The following EIF4G3 variants were observed in gnomAD, a reference collection of about 807,000 sequenced individuals.
EIF4G3 encodes the protein eukaryotic translation initiation factor 4 gamma 3.
Under a neutral mutation model 186.4 loss-of-function variants are expected in EIF4G3, and 34 were observed. The observed-to-expected ratio is 0.18, with a 90% CI of 0.14 to 0.24. The LOEUF (loss-of-function observed/expected upper bound fraction) is 0.24, where lower values mean the gene tolerates loss of function less well. Among genes scored for constraint, EIF4G3 ranks in the 10% least tolerant of loss-of-function variants. The pLI, the probability that EIF4G3 is intolerant of heterozygous loss-of-function variation, is 1.00. For synonymous variants in EIF4G3, 673 were observed against 679.5 expected, an observed-to-expected ratio of 0.99 and a Z score of 0.15; for missense variants, 1,536 against 1,948.5, an observed-to-expected ratio of 0.79 and a Z score of 3.99.
At chr1:21,026,199 A>G (rs2092059486) in intron 4 of EIF4G3, among the ~76,000 whole-genome samples, 1 of 152,260 alleles carries the variant, frequency 6.6e-6, no homozygotes, top group Non-Finnish European at 1.5e-5. Context: ...AAATAAACCA[A>G]AAGTAATTAG....
intron 35 of EIF4G3, 125 bp downstream of exon 35, chr1:20,813,033 A>C: frequency 1.8e-5 from 11 of 617,254 alleles, no homozygotes; most frequent in Non-Finnish European, 2.3e-5. Flanking sequence ...CAGAAAGGAC[A>C]GTGCACAGAA....
At chr1:21,136,008 C>T (rs569785485) in intron 2 of EIF4G3, among the ~76,000 whole-genome samples, 1 of 150,628 alleles carries the variant, frequency 6.6e-6, no homozygotes, top group African/African-American at 2.4e-5. Flanking sequence ...AAGGTGAAAC[C>T]CCGTCTCTAC....
In EIF4G3 at chr1:20,808,450, G is replaced by A. The variant is rs528070603; in HGVS notation, c.4745-950C>T. ...TAATCCTAGCACTTTGGGAGGCCGAGACAGGCGGATCACGAGGTCAGGAGA... is the reference window on the plus strand; with the variant it reads ...TAATCCTAGCACTTTGGGAGGCCGAAACAGGCGGATCACGAGGTCAGGAGA... On this transcript the variant is annotated intron_variant, in intron 36 of 36. Transcript: ENST00000602326. Among the ~76,000 whole-genome samples the A allele has an allele frequency of 1.4e-4, 22 of 152,012 alleles. No homozygotes were observed. The East Asian group carries it at 4.3e-3, about 30-fold the overall frequency.
At chr1:21,052,867 T>C (rs1186164553) in intron 3 of EIF4G3, among the ~76,000 whole-genome samples, 1 of 152,138 alleles carries the variant, frequency 6.6e-6, no homozygotes, top group Non-Finnish European at 1.5e-5. Context: ...GCAGACGGAG[T>C]CTCGTTCACT....
At chr1:20,954,391 C>T (rs181080994) in intron 12 of EIF4G3, among the ~76,000 whole-genome samples, 240 of 151,948 alleles carry the variant, frequency 1.6e-3, no homozygotes, top group Admixed American at 2.4e-3. Flanking sequence ...CAAAAATAAG[C>T]TGGACACAGT....
At chr1:21,024,773 T>A (rs2091786431) in intron 4 of EIF4G3, among the ~76,000 whole-genome samples, 1 of 149,298 alleles carries the variant, frequency 6.7e-6, no homozygotes, top group Non-Finnish European at 1.5e-5. Flanking sequence ...CAGGGTCCTC[T>A]GCCTAGGAAA....
intron 14 of EIF4G3, among the ~76,000 whole-genome samples, chr1:20,936,957 T>C (rs2095536135): frequency 6.6e-6 from 1 of 152,196 alleles, no homozygotes; most frequent in South Asian, 2.1e-4. Flanking sequence ...TAGCTGAGCT[T>C]ACGAGAATAT....
intron 3 of EIF4G3, among the ~76,000 whole-genome samples, chr1:21,079,979 C>T (rs1251096752): frequency 6.6e-6 from 1 of 151,498 alleles, no homozygotes; most frequent in African/African-American, 2.4e-5. Flanking sequence ...TGGTGAACCC[C>T]GTCACTACCA....
chr1:20,958,371 C>T (rs776559037), intron 12 of EIF4G3, among the ~76,000 whole-genome samples: 1 of 152,026 alleles, frequency 6.6e-6, no homozygotes, highest in Admixed American at 6.6e-5. Context: ...AAATCCTCAA[C>T]CAAGTAGGCA....
At chr1:21,112,125 C>T (rs1458207168) in intron 2 of EIF4G3, among the ~76,000 whole-genome samples, 5 of 152,152 alleles carry the variant, frequency 3.3e-5, no homozygotes, top group Non-Finnish European at 7.3e-5. Context: ...TATTTTTCCC[C>T]TTAAAGAAGA....
chr1:20,886,199 A>G lies in EIF4G3; in HGVS notation c.2424+2T>C. ...AATGTTAGGATATGCTTTTGTTCTC[A>G]CCTGGGTTTTAATGTTTTCGGGATC... On this transcript the variant is annotated splice_donor_variant, in intron 19 of 36. Transcript: ENST00000602326. LOFTEE classifies it high-confidence loss of function. 6.2e-7 allele frequency: 1 copy of G among 1,611,116 alleles called. No individual in the cohort carries two copies. The highest frequency in any genetic ancestry group is 8.5e-7 in the Non-Finnish European group (1 of 1,179,180).
rs1160571104 is a variant in EIF4G3, at chr1:20,982,822, A to AT, written c.178-415dup. Among the ~76,000 whole-genome samples, 5 of 152,120 alleles carry AT rather than the reference A, an allele frequency of 3.3e-5. No homozygotes were observed. In the South Asian group the frequency reaches 1.0e-3, roughly 32 times the overall value. On this transcript the variant is annotated intron_variant, in intron 7 of 36. Coordinates refer to ENST00000602326, the MANE Select transcript of EIF4G3 (RefSeq NM_001391906.1). ...CTACTTGCCATCTGTGTCATTTGTT[A>AT]TTTTTGTAAAAGTCCTAAGAAATAA...
intron 15 of EIF4G3, among the ~76,000 whole-genome samples, chr1:20,904,643 T>C (rs1488243355): frequency 2.6e-5 from 4 of 152,180 alleles, no homozygotes; most frequent in African/African-American, 9.7e-5. Context: ...CCACTGTGCC[T>C]GGCCAAGTTT....
Position 20,941,522 on chromosome 1 carries a change from T to G in EIF4G3, c.1632A>C (p.Gln544His). The stretch of plus-strand genomic sequence containing the variant: ...CAGGGCTCCTTCTTGAATTTAAGTT[T>G]TGAGAATCCAAAATCTCTTCTGTTT... ...DGQTEEILDS[Q>H]NLNSRRSPVP... The change falls in exon 14 of 37, where the codon CAA (glutamine) becomes CAC (histidine). Residue 544 changes from glutamine (Q) to histidine (H), a missense_variant. By Grantham distance (24) the Gln-to-His change is conservative (BLOSUM62 0). Transcript: ENST00000602326. The G allele has an allele frequency of 6.2e-7, 1 of 1,611,150 alleles. No homozygotes were observed. Among genetic ancestry groups the G allele is most frequent in the Non-Finnish European group, 8.5e-7 (1 of 1,178,836 alleles).
intron 29 of EIF4G3, among the ~76,000 whole-genome samples, chr1:20,848,244 G>C (rs1228452394): frequency 6.6e-6 from 1 of 152,190 alleles, no homozygotes; most frequent in Non-Finnish European, 1.5e-5. Context: ...GGGATTACAG[G>C]CATGAGTCAC....
intron 2 of EIF4G3, among the ~76,000 whole-genome samples, chr1:21,132,783 T>A (rs548242301): frequency 3.9e-5 from 6 of 152,090 alleles, no homozygotes; most frequent in East Asian, 3.9e-4. Flanking sequence ...TTTAAAAAAA[T>A]TTTTATTTTA....
chr1:20,872,088 G>T (rs2079360939), intron 20 of EIF4G3, among the ~76,000 whole-genome samples: 1 of 151,602 alleles, frequency 6.6e-6, no homozygotes, highest in African/African-American at 2.4e-5. Context: ...ATTTGTTTTA[G>T]ATCTTTTGCT....
At chr1:21,093,069 G>A (rs924882212) in intron 2 of EIF4G3, among the ~76,000 whole-genome samples, 6 of 152,134 alleles carry the variant, frequency 3.9e-5, no homozygotes, top group African/African-American at 1.4e-4. Flanking sequence ...AACACCAAAA[G>A]CAATGGCAAC....
rs2058925007 is a variant in EIF4G3 at position 20,810,010 on chromosome 1, G to T, written c.4744+728C>A. Among the ~76,000 whole-genome samples the T allele has an allele frequency of 6.7e-6, 1 of 148,632 alleles. No individual in the cohort carries two copies. Among genetic ancestry groups the T allele is most frequent in the African/African-American group, 2.5e-5 (1 of 40,076 alleles). On this transcript the variant is annotated intron_variant, in intron 36 of 36. Coordinates refer to ENST00000602326, the MANE Select transcript of EIF4G3 (RefSeq NM_001391906.1). This position sits in a 1 kb window ranked among gnomAD's most constrained non-coding sequence, Gnocchi z 4.1. ...TTTTTGGACAGAGTCTTGCTCTGTT[G>T]TCCAGGCCGGAGTGCAGTGGCGCCA...
Sources: gnomAD v4.1 joint callset for allele counts (sites outside exome capture counted in the v4.1 genomes callset) on GRCh38, gnomAD v4.1.1 for gene constraint, Gnocchi (gnomAD v3.1) non-coding constraint, MANE v1.5 for transcripts, NCBI Gene and HGNC (gene_info 2026-07-23, HGNC 2026-07-21) for gene names.